SLC5A8: variants seen among roughly 807,000 people sequenced by gnomAD.
The protein encoded by SLC5A8 is solute carrier family 5 member 8.
In SLC5A8, 55 loss-of-function variants were observed where a neutral mutation model predicts 71.9. The ratio of observed to expected loss-of-function variants is 0.77; its 90% CI spans 0.62 to 0.96. The LOEUF is 0.96. Ranked by LOEUF, SLC5A8 falls within the 40% of genes least tolerant of loss-of-function variation. SLC5A8 has a pLI of 0.00. For synonymous variants in SLC5A8, 307 were observed against 276.1 expected, an observed-to-expected ratio of 1.11 and a Z score of -1.11; for missense variants, 701 against 745.3, an observed-to-expected ratio of 0.94 and a Z score of 0.69.
intron 1 of SLC5A8, among the ~76,000 whole-genome samples, chr12:101,208,169 C>T (rs1396609548): frequency 7.9e-5 from 12 of 152,054 alleles, no homozygotes. Context: ...TCTGAGCAAA[C>T]CTGAGAAACT....
At position 101,210,014 on chromosome 12, in the gene SLC5A8, G is replaced by C; in HGVS notation, c.-166C>G. 1.7e-6 allele frequency: 1 copy of C among 580,560 alleles called. No individual in the cohort carries two copies. The allele number at this position is 580,560 out of a possible 1,614,324, so 36.0% of individuals were successfully genotyped here. A position where few individuals can be genotyped will look rare whatever the true frequency, so the allele number is the denominator to read the frequency against. ...GGCCTCCGAACGCACCCCGAGGCGGGGTGAGGGCTGGCAGTCGCCCCTGCA... is the reference window on the plus strand; with the variant it reads ...GGCCTCCGAACGCACCCCGAGGCGGCGTGAGGGCTGGCAGTCGCCCCTGCA... On this transcript the variant is annotated 5_prime_UTR_variant, in exon 1 of 15. Transcript: ENST00000536262.
At chr12:101,202,036 G>T in intron 3 of SLC5A8, 128 bp downstream of exon 3, 1 of 905,412 alleles carries the variant, frequency 1.1e-6, no homozygotes, top group South Asian at 1.5e-5. Context: ...ATCCTGCCCC[G>T]CTAAGTAAAG....
chr12:101,155,962 G>C lies in SLC5A8; in HGVS notation c.*1317C>G, dbSNP rs2051656720. 1 of 151,576 alleles carries C rather than the reference G, an allele frequency of 6.6e-6. No individual in the cohort carries two copies. Among genetic ancestry groups the C allele is most frequent in the Non-Finnish European group, 1.5e-5 (1 of 67,922 alleles). The allele number at this position is 151,576 out of a possible 1,614,324, so 9.4% of individuals were successfully genotyped here. A position where few individuals can be genotyped will look rare whatever the true frequency, so the allele number is the denominator to read the frequency against. ...TTCTCTTATGTTTCTAAAAAAAATT[G>C]AGTTTAAAAAAGAACTTTTAAACAG... On this transcript the variant is annotated 3_prime_UTR_variant, in exon 15 of 15. Coordinates refer to ENST00000536262, the MANE Select transcript of SLC5A8 (RefSeq NM_145913.5).
At chr12:101,159,737 A>G (rs1333625019) in intron 13 of SLC5A8, among the ~76,000 whole-genome samples, 1 of 152,246 alleles carries the variant, frequency 6.6e-6, no homozygotes, top group African/African-American at 2.4e-5. Flanking sequence ...ATTTAAAAGA[A>G]AAAAAGGAGT....
chr12:101,201,456 G>A (rs1593384330), intron 3 of SLC5A8, among the ~76,000 whole-genome samples: 1 of 152,126 alleles, frequency 6.6e-6, no homozygotes, highest in African/African-American at 2.4e-5. Context: ...CATTTTACAA[G>A]GACGTTTTAG....
Position 101,210,079 on chromosome 12 carries a change from G to C in SLC5A8, c.-231C>G. 1 of 474,666 alleles carries C rather than the reference G, an allele frequency of 2.1e-6. No homozygotes were observed. The allele number at this position is 474,666 out of a possible 1,614,324, so 29.4% of individuals were successfully genotyped here. On this transcript the variant is annotated 5_prime_UTR_variant, in exon 1 of 15. Coordinates refer to ENST00000536262, the MANE Select transcript of SLC5A8 (RefSeq NM_145913.5). ...CCGCGCCCCTCAAACCCAGGTATGG[G>C]ACCTCGGAAAATCGACCCGCTGCCC...
At position 101,209,931 on chromosome 12, in the gene SLC5A8, G is replaced by T; in HGVS notation, c.-83C>A. On this transcript the variant is annotated 5_prime_UTR_variant, in exon 1 of 15. Transcript: ENST00000536262. ...GAGCCCGGCGCGCACTTCTTATCCC[G>T]GATCCCTGGCGCGCAGGCGTGGCGT... 2.3e-6 allele frequency: 3 copies of T among 1,289,054 alleles called. No individual in the cohort carries two copies. Among genetic ancestry groups the T allele is most frequent in the East Asian group, 2.7e-5 (1 of 36,418 alleles). 79.9% of individuals were successfully genotyped at this position (1,289,054 alleles called of 1,614,324 possible).
chr12:101,172,293 G>A (rs765207926), intron 10 of SLC5A8, among the ~76,000 whole-genome samples: 14 of 151,840 alleles, frequency 9.2e-5, no homozygotes, highest in Non-Finnish European at 1.8e-4. Context: ...GTCCAGGTGG[G>A]TCATCCTGGA....
chr12:101,198,211 T>C (rs1370732703), intron 3 of SLC5A8, among the ~76,000 whole-genome samples: 1 of 151,934 alleles, frequency 6.6e-6, no homozygotes, highest in Non-Finnish European at 1.5e-5. Flanking sequence ...GTTTGCTTTA[T>C]GAAATAAGAA....
intron 9 of SLC5A8, among the ~76,000 whole-genome samples, chr12:101,182,264 C>T (rs1593372600): frequency 6.6e-6 from 1 of 152,206 alleles, no homozygotes; most frequent in East Asian, 1.9e-4. Flanking sequence ...TCATAACACT[C>T]TGTTTCTTTA....
At chr12:101,162,628 A>G (rs1380657731) in intron 12 of SLC5A8, among the ~76,000 whole-genome samples, 1 of 152,190 alleles carries the variant, frequency 6.6e-6, no homozygotes, top group Non-Finnish European at 1.5e-5. Flanking sequence ...TTATCCAAGC[A>G]AATTAATGCA....
At position 101,184,119 on chromosome 12, in the gene SLC5A8, A is replaced by G; in HGVS notation, c.1052+15T>C. 1 of 1,602,564 alleles carries G rather than the reference A, an allele frequency of 6.2e-7. No homozygotes were observed. ...CAACAGGGAAATCATATGTTATTAG[A>G]GTCATAGTTCATACCTTAATGTCCC... On this transcript the variant is annotated intron_variant, in intron 8 of 14. Coordinates refer to ENST00000536262, the MANE Select transcript of SLC5A8 (RefSeq NM_145913.5).
At chr12:101,164,511 C>T (rs2051751121) in intron 12 of SLC5A8, among the ~76,000 whole-genome samples, 1 of 152,214 alleles carries the variant, frequency 6.6e-6, no homozygotes, top group Non-Finnish European at 1.5e-5. Context: ...CAACCTTCAG[C>T]TGGGTGGCTC....
rs1423871527 is a variant in SLC5A8 at position 101,157,360 on chromosome 12, A to G, written c.1752T>C (p.Asp584=). Residue 584 remains aspartate, a synonymous_variant, in exon 15 of 15, where the codon GAT becomes GAC. Transcript: ENST00000536262. ...VLSYKSHPVE[D]GGTDNPAFNH... ...TGAAAGCAGGATTATCAGTTCCACC[A>G]TCTTCCACTGGATGTGATTTATAGC... 2 of 1,612,252 alleles carry G rather than the reference A, an allele frequency of 1.2e-6. No homozygotes were observed. The highest frequency in any genetic ancestry group is 3.3e-5 in the Admixed American group (2 of 59,776).
intron 2 of SLC5A8, among the ~76,000 whole-genome samples, 162 bp downstream of exon 2, chr12:101,204,338 G>A (rs191723123): frequency 2.0e-5 from 3 of 152,254 alleles, no homozygotes; most frequent in African/African-American, 4.8e-5. Flanking sequence ...TGATCTTAAG[G>A]GTTGATGCTG....
chr12:101,204,573 A>G lies in SLC5A8; in HGVS notation c.352-8T>C. On this transcript the variant is annotated splice_region_variant and splice_polypyrimidine_tract_variant and intron_variant, in intron 1 of 14. Transcript: ENST00000536262. ...AAATCGAAGTTCTAAATACTGTTGCAAAAAAAAAAATTATGCGAATCCTCT... is the reference window on the plus strand; with the variant it reads ...AAATCGAAGTTCTAAATACTGTTGCGAAAAAAAAAATTATGCGAATCCTCT... The G allele has an allele frequency of 9.9e-7, 1 of 1,013,528 alleles. No homozygotes were observed. Among genetic ancestry groups the G allele is most frequent in the Non-Finnish European group, 1.3e-6 (1 of 743,000 alleles). The allele number at this position is 1,013,528 out of a possible 1,614,324, so 62.8% of individuals were successfully genotyped here.
At position 101,166,540 on chromosome 12, in the gene SLC5A8, C is replaced by T. The variant is rs1176077061; in HGVS notation, c.1480G>A (p.Glu494Lys). 6.2e-7 allele frequency: 1 copy of T among 1,613,904 alleles called. No individual in the cohort carries two copies. The highest frequency in any genetic ancestry group is 8.5e-7 in the Non-Finnish European group (1 of 1,179,936). ...AAAACACTAGTAGTAAATGGCATTTCTGTGGTTGTCATCAAATTTGTCTCA... is the reference window on the plus strand; with the variant it reads ...AAAACACTAGTAGTAAATGGCATTTTTGTGGTTGTCATCAAATTTGTCTCA... Reference protein sequence around the residue: ...YNETNLMTTTEMPFTTSVFQI... With the variant: ...YNETNLMTTTKMPFTTSVFQI... The change falls in exon 12 of 15, where the codon GAA becomes AAA. Residue 494 changes from glutamate to lysine, a missense_variant. Coordinates refer to ENST00000536262, the MANE Select transcript of SLC5A8 (RefSeq NM_145913.5).
intron 3 of SLC5A8, among the ~76,000 whole-genome samples, chr12:101,195,555 C>T (rs1423683926): frequency 6.6e-6 from 1 of 152,106 alleles, no homozygotes; most frequent in African/African-American, 2.4e-5. Context: ...ATGTATCATA[C>T]TGACAATATA....
At position 101,156,358 on chromosome 12, in the gene SLC5A8, T is replaced by C. The variant is rs1283129641; in HGVS notation, c.*921A>G. ...ATTCTTGGATCATCAAGTCCATAAA[T>C]ACCTACATCAAGTATATGTTAGTAC... On this transcript the variant is annotated 3_prime_UTR_variant, in exon 15 of 15. Transcript: ENST00000536262. 1 of 152,192 alleles carries C rather than the reference T, an allele frequency of 6.6e-6. No individual in the cohort carries two copies. The highest frequency in any genetic ancestry group is 1.5e-5 in the Non-Finnish European group (1 of 68,042). 9.4% of individuals were successfully genotyped at this position (152,192 alleles called of 1,614,324 possible).
Sources: gnomAD v4.1 joint callset for allele counts (sites outside exome capture counted in the v4.1 genomes callset) on GRCh38, gnomAD v4.1.1 for gene constraint, MANE v1.5 for transcripts, NCBI Gene and HGNC (gene_info 2026-07-23, HGNC 2026-07-21) for gene names.